FAM219A: variants seen among roughly 807,000 people sequenced by gnomAD.
FAM219A encodes the protein protein FAM219A.
Under a neutral mutation model 23.4 loss-of-function variants are expected in FAM219A, and 7 were observed. That is an observed-to-expected ratio of 0.30 (90% confidence interval 0.17 to 0.56). FAM219A has a LOEUF of 0.56. Among genes scored for constraint, FAM219A ranks in the 20% least tolerant of loss-of-function variants. The pLI, the probability that FAM219A is intolerant of heterozygous loss-of-function variation, is 0.92. For missense variants in FAM219A, 166 were observed against 246.9 expected (o/e 0.67, Z 2.20); for synonymous variants, 93 against 99.0 (o/e 0.94, Z 0.36).
At chr9:34,414,052 G>A (rs768389127) in intron 1 of FAM219A, among the ~76,000 whole-genome samples, 2 of 152,220 alleles carry the variant, frequency 1.3e-5, no homozygotes, top group Non-Finnish European at 2.9e-5. Flanking sequence ...CTTTTAGAGG[G>A]AGACCCAGCA....
Position 34,402,483 on chromosome 9 carries a change from C to T in FAM219A, c.264-16G>A, listed in dbSNP as rs370009454. 11 of 1,613,894 alleles carry T rather than the reference C, an allele frequency of 6.8e-6. No individual in the cohort carries two copies. Among genetic ancestry groups the T allele is most frequent in the Admixed American group, 1.7e-5 (1 of 59,988 alleles). ...GACGACCAGCCTAGGTGAAGAATTT[C>T]GGGAGTTAGAGTGGCAAAGTGGAGC... On this transcript the variant is annotated splice_polypyrimidine_tract_variant and intron_variant, in intron 3 of 5. Transcript: ENST00000651358.
intron 1 of FAM219A, among the ~76,000 whole-genome samples, chr9:34,422,552 C>T (rs1822320306): frequency 6.6e-6 from 1 of 152,180 alleles, no homozygotes; most frequent in African/African-American, 2.4e-5. Context: ...GTCTCTGGAG[C>T]TCAACACAAA....
intron 1 of FAM219A, among the ~76,000 whole-genome samples, chr9:34,420,849 A>G (rs1223782452): frequency 1.3e-5 from 2 of 151,952 alleles, no homozygotes; most frequent in East Asian, 3.9e-4. Context: ...GTGTGGTAGC[A>G]TGTGCTTGTG....
At chr9:34,405,816 A>G (rs1821611805) in intron 2 of FAM219A, 49 bp downstream of exon 2, 1 of 1,565,108 alleles carries the variant, frequency 6.4e-7, no homozygotes, top group African/African-American at 1.4e-5. Flanking sequence ...CCCAGCCCAG[A>G]GTATCTTGCC....
intron 1 of FAM219A, among the ~76,000 whole-genome samples, chr9:34,434,846 G>A (rs1822844581): frequency 1.3e-5 from 2 of 152,006 alleles, no homozygotes; most frequent in African/African-American, 4.8e-5. Context: ...TTGAGACAGA[G>A]TCTCACTCTG....
chr9:34,401,268 A>C, intron 5 of FAM219A, 146 bp from the exon 6 acceptor site: 1 of 1,008,574 alleles, frequency 9.9e-7, no homozygotes, highest in Non-Finnish European at 1.4e-6. Context: ...CTGTACCCCC[A>C]GGCCCCGCTC....
intron 1 of FAM219A, among the ~76,000 whole-genome samples, chr9:34,412,431 A>G (rs1225844039): frequency 2.0e-5 from 3 of 152,222 alleles, no homozygotes; most frequent in Non-Finnish European, 4.4e-5. Flanking sequence ...ATTGCTAAGG[A>G]AAAATCAGAT....
intron 1 of FAM219A, among the ~76,000 whole-genome samples, chr9:34,437,717 G>A (rs2131993101): frequency 6.6e-6 from 1 of 152,356 alleles, no homozygotes; most frequent in African/African-American, 2.4e-5. Context: ...CTGTGTGTCT[G>A]GTGGCAGATA....
At chr9:34,401,248 C>T in intron 5 of FAM219A, 126 bp from the exon 6 acceptor site, 1 of 1,212,664 alleles carries the variant, frequency 8.2e-7, no homozygotes, top group Middle Eastern at 2.2e-4. Flanking sequence ...CCGCCCTGTC[C>T]CGGGTCTGTC....
chr9:34,401,501 T>C (rs1228220364), intron 5 of FAM219A, among the ~76,000 whole-genome samples, 165 bp downstream of exon 5: 9 of 152,230 alleles, frequency 5.9e-5, no homozygotes, highest in African/African-American at 2.2e-4. Flanking sequence ...TTGAGGCCAG[T>C]AACCACTTCT....
chr9:34,439,760 G>A (rs1307170894), intron 1 of FAM219A, among the ~76,000 whole-genome samples: 1 of 152,128 alleles, frequency 6.6e-6, no homozygotes, highest in African/African-American at 2.4e-5. Flanking sequence ...GTAGTGACTG[G>A]GGGTAATGTG....
intron 1 of FAM219A, among the ~76,000 whole-genome samples, chr9:34,431,919 A>T (rs1458208550): frequency 6.6e-5 from 10 of 152,224 alleles, no homozygotes; most frequent in Admixed American, 4.6e-4. Context: ...TGTCAGTAAG[A>T]GGCAGTATAG....
intron 1 of FAM219A, among the ~76,000 whole-genome samples, chr9:34,420,657 G>A (rs1588047169): frequency 6.6e-6 from 1 of 152,148 alleles, no homozygotes; most frequent in African/African-American, 2.4e-5. Context: ...ATCAGGGACT[G>A]AGAGTCCTGT....
intron 1 of FAM219A, chr9:34,406,250 T>G: frequency 1.3e-5 from 13 of 974,230 alleles, no homozygotes; most frequent in Non-Finnish European, 1.6e-5. Flanking sequence ...CATCATGATT[T>G]CTTTAAACTC....
Position 34,457,124 on chromosome 9 carries a change from A to G in FAM219A, c.60+1080T>C, listed in dbSNP as rs1304002440. On this transcript the variant is annotated intron_variant, in intron 1 of 5. Coordinates refer to ENST00000651358, the MANE Select transcript of FAM219A (RefSeq NM_001184940.2). The surrounding 1 kb of genome is among the most constrained non-coding windows in gnomAD (Gnocchi z 5.1). ...CACAGCTCAGAGAAATGGGGCATCC[A>G]CACTTTCGGATTTGTAGCCCACCTT... 6.6e-6 allele frequency among the ~76,000 whole-genome samples: 1 copy of G among 152,196 alleles called. No individual in the cohort carries two copies. The highest frequency in any genetic ancestry group is 1.5e-5 in the Non-Finnish European group (1 of 68,018).
chr9:34,398,477 C>T lies in FAM219A; in HGVS notation c.*2487G>A. On this transcript the variant is annotated 3_prime_UTR_variant, in exon 6 of 6. Coordinates refer to ENST00000651358, the MANE Select transcript of FAM219A (RefSeq NM_001184940.2). The stretch of plus-strand genomic sequence containing the variant: ...CAGACAGGGAAGGAGGGAGCCACAC[C>T]CCTCCCTAGACACAGAAGCTGCCAC... 1 of 1,176,366 alleles carries T rather than the reference C, an allele frequency of 8.5e-7. No individual in the cohort carries two copies. 72.9% of individuals were successfully genotyped at this position (1,176,366 alleles called of 1,614,324 possible). A position where few individuals can be genotyped will look rare whatever the true frequency, so the allele number is the denominator to read the frequency against.
chr9:34,442,312 TTTTA>T (rs949133938), intron 1 of FAM219A, among the ~76,000 whole-genome samples: 36 of 152,348 alleles, frequency 2.4e-4, no homozygotes, highest in African/African-American at 7.0e-4. Flanking sequence ...GGACTGAACT[TTTTA>T]TTTGTTTTTG....
rs979061283 is a variant in FAM219A at position 34,424,889 on chromosome 9, A to T, written c.61-18925T>A. 7.2e-5 allele frequency among the ~76,000 whole-genome samples: 11 copies of T among 152,186 alleles called. 1 individual carries two copies. The Middle Eastern group carries it at 0.014, about 188-fold the overall frequency. ...AATGGCACGACCTCAGGTCACTGCA[A>T]TCTCCACCTCAGCTCAAGCAACCTG... On this transcript the variant is annotated intron_variant, in intron 1 of 5. Coordinates refer to ENST00000651358, the MANE Select transcript of FAM219A (RefSeq NM_001184940.2).
At chr9:34,411,358 C>A (rs767998793) in intron 1 of FAM219A, among the ~76,000 whole-genome samples, 4 of 151,242 alleles carry the variant, frequency 2.6e-5, no homozygotes, top group South Asian at 2.1e-4. Context: ...GTCCAGTCTG[C>A]GCAACATATT....
Sources: allele counts gnomAD v4.1 joint callset (sites outside exome capture counted in the v4.1 genomes callset), GRCh38; gene constraint gnomAD v4.1.1; non-coding constraint Gnocchi (gnomAD v3.1); transcripts MANE v1.5; gene names NCBI Gene and HGNC (gene_info 2026-07-23, HGNC 2026-07-21).